Variants in MCCC2 observed in about 807,000 individuals in gnomAD.
The protein encoded by MCCC2 is methylcrotonoyl-CoA carboxylase beta chain, mitochondrial.
In MCCC2, 52 loss-of-function variants were observed where a neutral mutation model predicts 77.2. The observed-to-expected ratio is 0.67, with a 90% confidence interval of 0.54 to 0.85. The LOEUF (loss-of-function observed/expected upper bound fraction) is 0.85, where lower values mean the gene tolerates loss of function less well. Among genes scored for constraint, MCCC2 ranks in the 40% least tolerant of loss-of-function variants. The probability of loss-of-function intolerance (pLI) is 0.00; values close to 1 mark genes in which losing one functional copy is unlikely to be tolerated. For synonymous variants in MCCC2, 253 were observed against 248.4 expected, an observed-to-expected ratio of 1.02 and a Z score of -0.18; for missense variants, 682 against 703.2, an observed-to-expected ratio of 0.97 and a Z score of 0.34.
intron 7 of MCCC2, 71 bp from the exon 8 acceptor site, chr5:71,632,050 G>T: frequency 7.7e-7 from 1 of 1,296,912 alleles, no homozygotes; most frequent in Non-Finnish European, 1.1e-6. Flanking sequence ...GTGAGGAGTT[G>T]TGCATGTTGG....
intron 6 of MCCC2, among the ~76,000 whole-genome samples, chr5:71,608,796 T>C (rs1029707126): frequency 6.6e-6 from 1 of 152,226 alleles, no homozygotes; most frequent in Non-Finnish European, 1.5e-5. Flanking sequence ...TTTGCTTGTC[T>C]GTAAAGGATT....
intron 2 of MCCC2, 95 bp downstream of exon 2, chr5:71,593,087 ATAT>A: frequency 9.6e-7 from 1 of 1,037,326 alleles, no homozygotes; most frequent in Non-Finnish European, 1.4e-6. Flanking sequence ...TAAGCTTTTG[ATAT>A]TTTTTTTTTT....
At chr5:71,618,503 T>TCCTTCCTGCCTG (rs1407715818) in intron 6 of MCCC2, among the ~76,000 whole-genome samples, 3 of 54,194 alleles carry the variant, frequency 5.5e-5, no homozygotes, top group African/African-American at 1.7e-4. Context: ...CTTCCTTCCT[T>TCCTTCCTGCCTG]CCTTCCTTCC....
rs770437473 is a variant in MCCC2 at position 71,599,732 on chromosome 5, A to G, written c.355A>G (p.Ile119Val). ...CAATGAGGAGGTGCCAGGAGGTGGC[A>G]TTATTACAGGCATTGGAAGAGTATC... ...YDNEEVPGGG[I>V]ITGIGRVSGV... is the part of the protein sequence containing the mutation. Residue 119 changes from isoleucine (I) to valine (V), a missense_variant, in exon 4 of 17, where the codon ATT becomes GTT. Ile to Val is a conservative substitution (Grantham distance 29, BLOSUM62 3). Transcript: ENST00000340941. 39 of 1,614,100 alleles carry G rather than the reference A, an allele frequency of 2.4e-5. No individual in the cohort carries two copies. The South Asian group carries it at 3.4e-4, about 14-fold the overall frequency.
intron 6 of MCCC2, among the ~76,000 whole-genome samples, 153 bp from the exon 7 acceptor site, chr5:71,626,487 A>G (rs527331242): frequency 1.3e-5 from 2 of 152,338 alleles, no homozygotes; most frequent in Non-Finnish European, 2.9e-5. Flanking sequence ...AACTATTTCA[A>G]ACATTTAGAG....
Position 71,643,360 on chromosome 5 carries a change from C to G in MCCC2, c.1073-459C>G, listed in dbSNP as rs189552648. Among the ~76,000 whole-genome samples, 240 of 152,172 alleles carry G rather than the reference C, an allele frequency of 1.6e-3. 2 individuals carry two copies. The highest frequency in any genetic ancestry group is 5.6e-3 in the African/African-American group (232 of 41,536). ...CATGACTGTGCTACTGTGTTCCAGCCTAGGCAACAGAGTGAGACCTTGTCT... is the reference window on the plus strand; with the variant it reads ...CATGACTGTGCTACTGTGTTCCAGCGTAGGCAACAGAGTGAGACCTTGTCT... On this transcript the variant is annotated intron_variant, in intron 11 of 16. Coordinates refer to ENST00000340941, the MANE Select transcript of MCCC2 (RefSeq NM_022132.5).
intron 6 of MCCC2, among the ~76,000 whole-genome samples, chr5:71,620,563 T>G (rs911172610): frequency 6.6e-6 from 1 of 152,192 alleles, no homozygotes; most frequent in African/African-American, 2.4e-5. Flanking sequence ...CTCTTAGCTC[T>G]CTGTCAGAGA....
intron 6 of MCCC2, among the ~76,000 whole-genome samples, chr5:71,605,291 G>T (rs1419257057): frequency 3.1e-4 from 47 of 151,378 alleles, no homozygotes; most frequent in African/African-American, 1.1e-3. Flanking sequence ...GTGTGAGATG[G>T]TATCTCATTG....
At chr5:71,634,811 A>G (rs1746860602) in intron 8 of MCCC2, 132 bp from the exon 9 acceptor site, 2 of 773,206 alleles carry the variant, frequency 2.6e-6, no homozygotes. Flanking sequence ...TTTATTAAAG[A>G]TGACAAATTT....
chr5:71,610,057 G>C (rs1248707632), intron 6 of MCCC2, among the ~76,000 whole-genome samples: 1 of 152,260 alleles, frequency 6.6e-6, no homozygotes. Flanking sequence ...GGAGCCTACA[G>C]AGGCAGGCAG....
At chr5:71,647,081 T>C (rs1252868013) in intron 13 of MCCC2, among the ~76,000 whole-genome samples, 1 of 152,142 alleles carries the variant, frequency 6.6e-6, no homozygotes, top group Non-Finnish European at 1.5e-5. Flanking sequence ...AAGAGTGAAT[T>C]CTCTGATTCT....
intron 8 of MCCC2, among the ~76,000 whole-genome samples, chr5:71,633,131 A>ATATATATATTTTTTTTTTTTTT (rs1554137344): frequency 3.8e-5 from 3 of 78,082 alleles, no homozygotes; most frequent in African/African-American, 1.5e-4. Context: ...ATATATATAT[A>ATATATATATTTTTTTTTTTTTT]TTTTTATTTT....
At chr5:71,605,519 T>A (rs1745635188) in intron 6 of MCCC2, among the ~76,000 whole-genome samples, 1 of 151,286 alleles carries the variant, frequency 6.6e-6, no homozygotes, top group Admixed American at 6.6e-5. Context: ...TTTCTCCCAT[T>A]TTGTAGGTTG....
intron 2 of MCCC2, among the ~76,000 whole-genome samples, chr5:71,594,914 A>G (rs1021983611): frequency 1.5e-4 from 20 of 136,818 alleles, no homozygotes; most frequent in Non-Finnish European, 2.7e-4. Context: ...TTTTTTTTTT[A>G]CTGAGACGGA....
intron 6 of MCCC2, among the ~76,000 whole-genome samples, chr5:71,607,035 C>A (rs910137011): frequency 1.3e-5 from 2 of 150,458 alleles, no homozygotes; most frequent in Non-Finnish European, 3.0e-5. Context: ...GTCTAAAATT[C>A]TCTTTTTTGG....
intron 6 of MCCC2, among the ~76,000 whole-genome samples, chr5:71,620,642 C>T (rs554366786): frequency 6.6e-6 from 1 of 152,260 alleles, no homozygotes; most frequent in East Asian, 1.9e-4. Context: ...GACCCAGTCT[C>T]TATTTGTTTA....
chr5:71,621,757 A>T (rs1485316339), intron 6 of MCCC2, among the ~76,000 whole-genome samples: 1 of 151,852 alleles, frequency 6.6e-6, no homozygotes, highest in Non-Finnish European at 1.5e-5. Flanking sequence ...ATGGGAGTAG[A>T]GGTTGGGGGA....
At position 71,627,248 on chromosome 5, in the gene MCCC2, G is replaced by A. The variant is rs567923462; in HGVS notation, c.738+495G>A. Among the ~76,000 whole-genome samples the A allele has an allele frequency of 5.3e-5, 8 of 152,228 alleles. No individual in the cohort carries two copies. The South Asian group carries it at 8.3e-4, about 16-fold the overall frequency. ...TTGTTTATTCATTCATCCATCAATCGATATTTGGGTTGCTTCCACTCTCAG... is the reference window on the plus strand; with the variant it reads ...TTGTTTATTCATTCATCCATCAATCAATATTTGGGTTGCTTCCACTCTCAG... On this transcript the variant is annotated intron_variant, in intron 7 of 16. Transcript: ENST00000340941.
chr5:71,597,355 A>G (rs1745228976), intron 3 of MCCC2, among the ~76,000 whole-genome samples: 1 of 152,158 alleles, frequency 6.6e-6, no homozygotes, highest in African/African-American at 2.4e-5. Flanking sequence ...CATGGGAGAA[A>G]TGGGGAGCTA....
Sources: gnomAD v4.1 joint callset for allele counts (sites outside exome capture counted in the v4.1 genomes callset) on GRCh38, gnomAD v4.1.1 for gene constraint, MANE v1.5 for transcripts, NCBI Gene and HGNC (gene_info 2026-07-23, HGNC 2026-07-21) for gene names.